Variants in RNF19A observed in about 807,000 individuals in gnomAD.
RNF19A encodes ring finger protein 19A, RBR E3 ubiquitin protein ligase, also known as E3 ubiquitin-protein ligase RNF19A.
In RNF19A, 32 loss-of-function variants were observed where a neutral mutation model predicts 75.7. The ratio of observed to expected loss-of-function variants is 0.42; its 90% CI spans 0.32 to 0.57. The LOEUF is 0.57. Ranked by LOEUF, RNF19A falls within the 20% of genes least tolerant of loss-of-function variation. RNF19A has a pLI of 0.10. For missense variants in RNF19A, 782 were observed against 1,036.3 expected, an observed-to-expected ratio of 0.75 and a Z score of 3.37; for synonymous variants, 335 against 345.2, an observed-to-expected ratio of 0.97 and a Z score of 0.33.
chr8:100,271,497 T>C (rs1408762148), intron 3 of RNF19A, among the ~76,000 whole-genome samples: 1 of 152,192 alleles, frequency 6.6e-6, no homozygotes, highest in Non-Finnish European at 1.5e-5. Flanking sequence ...GCTCAAGTAG[T>C]AGGTATCTCA....
At chr8:100,276,912 G>C (rs1315290194) in intron 2 of RNF19A, among the ~76,000 whole-genome samples, 1 of 151,866 alleles carries the variant, frequency 6.6e-6, no homozygotes, top group African/African-American at 2.4e-5. Context: ...GGTAGATTGT[G>C]TCTATGCCAA....
intron 2 of RNF19A, among the ~76,000 whole-genome samples, chr8:100,280,620 A>G (rs1461372573): frequency 6.6e-6 from 1 of 152,222 alleles, no homozygotes; most frequent in Non-Finnish European, 1.5e-5. Context: ...ATGTTTTCAT[A>G]AATGTATAAT....
intron 1 of RNF19A, chr8:100,300,622 C>T (rs923045940): frequency 3.9e-5 from 6 of 151,962 alleles, no homozygotes; most frequent in Admixed American, 1.3e-4. Flanking sequence ...CACTGTATTC[C>T]ACCCTGGGTG....
At chr8:100,276,164 C>G (rs1015311594) in intron 2 of RNF19A, among the ~76,000 whole-genome samples, 3 of 152,038 alleles carry the variant, frequency 2.0e-5, no homozygotes, top group African/African-American at 4.8e-5. Flanking sequence ...TTCAAAGCAG[C>G]CTTATTCAGA....
chr8:100,325,511 C>T lies in RNF19A; in HGVS notation c.-243+10597G>A, dbSNP rs750973807. ...CCCTTTTCAGTAAGTGACCTCTGAA[C>T]AAGACGTTTCAACTTTATATGTACC... On this transcript the variant is annotated intron_variant, in intron 1 of 3. Coordinates refer to the RNF19A transcript ENST00000519527. This position sits in a 1 kb window ranked among gnomAD's most constrained non-coding sequence, Gnocchi z 4.3. Among the ~76,000 whole-genome samples, 3 of 152,100 alleles carry T rather than the reference C, an allele frequency of 2.0e-5. No homozygotes were observed. Among genetic ancestry groups the T allele is most frequent in the Non-Finnish European group, 4.4e-5 (3 of 68,026 alleles).
intron 2 of RNF19A, among the ~76,000 whole-genome samples, chr8:100,279,769 C>T (rs528804901): frequency 2.0e-5 from 3 of 152,148 alleles, no homozygotes; most frequent in South Asian, 2.1e-4. Context: ...TCAAGTGATC[C>T]GCCCACCTCA....
chr8:100,267,069 A>C (rs898144141), intron 5 of RNF19A, among the ~76,000 whole-genome samples: 6 of 152,184 alleles, frequency 3.9e-5, no homozygotes, highest in Admixed American at 3.9e-4. Flanking sequence ...CTCAAACGTA[A>C]CAATTTTGTA....
chr8:100,310,376 G>A (rs1822259840), upstream of RNF19A: 1 of 376,540 alleles, frequency 2.7e-6, no homozygotes, highest in Non-Finnish European at 3.7e-6. Context: ...GCCGGGCAGT[G>A]GGGCCGGTGT....
rs564031978 is a variant in RNF19A at position 100,317,580 on chromosome 8, C to A, written c.-242-4208G>T. 3.9e-5 allele frequency among the ~76,000 whole-genome samples: 6 copies of A among 152,302 alleles called. No individual in the cohort carries two copies. The highest frequency in any genetic ancestry group is 1.2e-4 in the African/African-American group (5 of 41,572). ...AGGCGACTGTTCCCATTTGCCTACT[C>A]CAGTCTTTCTTGGTTCCCTTCCCTG... On this transcript the variant is annotated intron_variant, in intron 1 of 3. Transcript: ENST00000519527. This position sits in a 1 kb window ranked among gnomAD's most constrained non-coding sequence, Gnocchi z 4.3.
chr8:100,308,036 A>G (rs1822130277), intron 1 of RNF19A, among the ~76,000 whole-genome samples: 1 of 152,184 alleles, frequency 6.6e-6, no homozygotes, highest in Admixed American at 6.5e-5. Context: ...CCTAAATGAG[A>G]AAACAAAATT....
chr8:100,286,358 A>G (rs1821017558), intron 2 of RNF19A, among the ~76,000 whole-genome samples: 1 of 152,234 alleles, frequency 6.6e-6, no homozygotes, highest in Admixed American at 6.5e-5. Flanking sequence ...AGCTCCCTGC[A>G]GTATAGGACA....
intron 1 of RNF19A, among the ~76,000 whole-genome samples, chr8:100,293,063 C>T (rs1336542937): frequency 6.6e-6 from 1 of 152,136 alleles, no homozygotes; most frequent in African/African-American, 2.4e-5. Context: ...GAGTGCAGTT[C>T]GCAATACTCC....
upstream of RNF19A, among the ~76,000 whole-genome samples, chr8:100,311,897 T>C (rs6468708): frequency 0.13 from 19,925 of 152,168 alleles, 3,984 homozygotes; most frequent in African/African-American, 0.43. Context: ...GGCTTTCTTG[T>C]CTTCCTAAAA....
chr8:100,333,101 A>G lies in RNF19A; in HGVS notation c.-243+3007T>C, dbSNP rs1586706134. Among the ~76,000 whole-genome samples the G allele has an allele frequency of 1.3e-5, 2 of 151,958 alleles. No individual in the cohort carries two copies. Among genetic ancestry groups the G allele is most frequent in the Non-Finnish European group, 2.9e-5 (2 of 68,004 alleles). ...TATGGAAAAAAAAAAGAACAAACCT[A>G]GGTTCTGCCTTCATAAATGGGGTGG... On this transcript the variant is annotated intron_variant, in intron 1 of 3. Transcript: ENST00000519527. This position sits in a 1 kb window ranked among gnomAD's most constrained non-coding sequence, Gnocchi z 4.7.
intron 1 of RNF19A, among the ~76,000 whole-genome samples, chr8:100,307,669 A>G (rs1291414347): frequency 6.6e-6 from 1 of 152,172 alleles, no homozygotes; most frequent in East Asian, 1.9e-4. Context: ...AAACAACCCC[A>G]TAACAAATAG....
At chr8:100,298,748 A>T (rs769693521) in intron 1 of RNF19A, among the ~76,000 whole-genome samples, 5 of 152,220 alleles carry the variant, frequency 3.3e-5, no homozygotes, top group African/African-American at 1.2e-4. Context: ...CATTACAAGT[A>T]ATATTCACTA....
At chr8:100,312,116 C>T (rs138774683), upstream of RNF19A, among the ~76,000 whole-genome samples, 55 of 152,314 alleles carry the variant, frequency 3.6e-4, no homozygotes, top group Middle Eastern at 3.4e-3. Flanking sequence ...TCTTTTTGTC[C>T]CTTCCAATTC....
At chr8:100,274,893 A>C in intron 3 of RNF19A, 60 bp downstream of exon 3, 2 of 1,372,920 alleles carry the variant, frequency 1.5e-6, no homozygotes, top group East Asian at 4.7e-5. Flanking sequence ...AACTTTAAAA[A>C]GTTAAAATAA....
intron 3 of RNF19A, among the ~76,000 whole-genome samples, chr8:100,271,928 A>G (rs1820275037): frequency 6.6e-6 from 1 of 152,108 alleles, no homozygotes; most frequent in Non-Finnish European, 1.5e-5. Flanking sequence ...CGATATGAAA[A>G]AGCTTCCCAT....
Sources: gnomAD v4.1 joint callset for allele counts (sites outside exome capture counted in the v4.1 genomes callset) on GRCh38, gnomAD v4.1.1 for gene constraint, Gnocchi (gnomAD v3.1) non-coding constraint, MANE v1.5 for transcripts, NCBI Gene and HGNC (gene_info 2026-07-23, HGNC 2026-07-21) for gene names.